MYO7B: variants seen among roughly 807,000 people sequenced by gnomAD.
The protein encoded by MYO7B is unconventional myosin-VIIb.
MYO7B carries 212 observed loss-of-function variants against 259.7 expected under a neutral mutation model. That is an observed-to-expected ratio of 0.82 (90% CI 0.73 to 0.91). The LOEUF (loss-of-function observed/expected upper bound fraction) is 0.91. MYO7B is among the 40% of genes least tolerant of loss of function. The probability of loss-of-function intolerance (pLI) is 0.00; values close to 1 mark genes in which losing one functional copy is unlikely to be tolerated. For synonymous variants in MYO7B, 1,197 were observed against 1,166.4 expected (o/e 1.03, Z -0.54); for missense variants, 2,732 against 2,813.5 (o/e 0.97, Z 0.66).
In MYO7B at chr2:127,609,679, C is replaced by G. The variant is rs1287681872; in HGVS notation, c.2988C>G (p.Tyr996Ter). The G allele has an allele frequency of 6.2e-7, 1 of 1,614,008 alleles. No homozygotes were observed. ...CACACATCCGGCGGCCCCTCCGATACCCGTTGCTTTACCACGAAGATGACA... is the reference window on the plus strand; with the variant it reads ...CACACATCCGGCGGCCCCTCCGATAGCCGTTGCTTTACCACGAAGATGACA... ...SHTHIRRPLR[Y>*]PLLYHEDDTD... Residue 996 changes from tyrosine (Y) to a stop codon, truncating the protein, a stop_gained, in exon 23 of 48, where the codon TAC becomes TAG. Coordinates refer to ENST00000409816, the MANE Select transcript of MYO7B (RefSeq NM_001393586.1). LOFTEE classifies it high-confidence loss of function. The surrounding 1 kb of genome is among the most constrained non-coding windows in gnomAD (Gnocchi z 6.9).
Position 127,582,408 on chromosome 2 carries a change from C to T in MYO7B, c.1305C>T (p.Leu435=), listed in dbSNP as rs748788569. The change falls in exon 12 of 48, where the codon CTC becomes CTT. Residue 435 remains leucine (L), a synonymous_variant. Coordinates refer to ENST00000409816, the MANE Select transcript of MYO7B (RefSeq NM_001393586.1). The part of the protein sequence containing the change: ...DPKNVRRAIG[L]LDIFGFENFE... ...AAAATGTGCGGAGGGCCATCGGCCT[C>T]CTGGACATATTTGGCTTTGAAAATT... 27 of 1,613,398 alleles carry T rather than the reference C, an allele frequency of 1.7e-5. No individual in the cohort carries two copies. Among genetic ancestry groups the T allele is most frequent in the East Asian group, 2.2e-5 (1 of 44,874 alleles).
chr2:127,561,619 C>T (rs745454639), intron 2 of MYO7B, among the ~76,000 whole-genome samples: 3 of 152,192 alleles, frequency 2.0e-5, no homozygotes, highest in Non-Finnish European at 4.4e-5. Flanking sequence ...GGACACTATG[C>T]GGGGTCCCTG....
rs112228105 is a variant in MYO7B, at chr2:127,559,533, G to A, written c.-23-167G>A. Among the ~76,000 whole-genome samples the A allele has an allele frequency of 6.6e-5, 10 of 152,304 alleles. No individual in the cohort carries two copies. Among genetic ancestry groups the A allele is most frequent in the African/African-American group, 2.4e-4 (10 of 41,570 alleles). On this transcript the variant is annotated intron_variant, in intron 1 of 47. Transcript: ENST00000409816. The surrounding 1 kb of genome is among the most constrained non-coding windows in gnomAD (Gnocchi z 4.1). Reference sequence around the variant, plus strand: ...GAAGCTGAGAACAGCTCTTGCACTTGGGCTAGGACTGTGACTCATTCATCC... The same window carrying A: ...GAAGCTGAGAACAGCTCTTGCACTTAGGCTAGGACTGTGACTCATTCATCC...
chr2:127,596,382 C>T (rs529525957), intron 18 of MYO7B, 80 bp from the exon 19 acceptor site: 26 of 1,163,274 alleles, frequency 2.2e-5, no homozygotes, highest in East Asian at 1.8e-4. Flanking sequence ...ATGCTACCTT[C>T]GGGAGACAGA....
At chr2:127,600,632 C>G (rs531735551) in intron 19 of MYO7B, among the ~76,000 whole-genome samples, 3 of 152,276 alleles carry the variant, frequency 2.0e-5, no homozygotes, top group African/African-American at 7.2e-5. Context: ...ATCGCTTGAA[C>G]CTGGGAGGTG....
chr2:127,628,421 T>C lies in MYO7B; in HGVS notation c.4510T>C (p.Tyr1504His). ...GCTGCTCTCCACGATGCATGAGGAG[T>C]ACGAGTTTGTGTCACCCAGCAGTGT... ...RLLLSTMHEE[Y>H]EFVSPSSVAI... The change falls in exon 34 of 48, where the codon TAC becomes CAC. Residue 1504 changes from tyrosine (Y) to histidine (H), a missense_variant. This residue lies in a region of MYO7B where 1,906 missense variants were observed against 2,026.4 expected (regional missense o/e 0.94). Coordinates refer to ENST00000409816, the MANE Select transcript of MYO7B (RefSeq NM_001393586.1). The surrounding 1 kb of genome is among the most constrained non-coding windows in gnomAD (Gnocchi z 4.8). 2 of 1,598,290 alleles carry C rather than the reference T, an allele frequency of 1.3e-6. No homozygotes were observed. Among genetic ancestry groups the C allele is most frequent in the Non-Finnish European group, 1.7e-6 (2 of 1,174,364 alleles).
At chr2:127,588,025 C>G (rs1326224213) in intron 14 of MYO7B, among the ~76,000 whole-genome samples, 1 of 152,194 alleles carries the variant, frequency 6.6e-6, no homozygotes, top group African/African-American at 2.4e-5. Flanking sequence ...TTTTAGGGGA[C>G]ACATTTTAGC....
chr2:127,564,365 C>A, intron 3 of MYO7B, 99 bp downstream of exon 3: 1 of 944,034 alleles, frequency 1.1e-6, no homozygotes, highest in South Asian at 1.8e-5. Flanking sequence ...ACACCAGGGG[C>A]TCCAAGGCCA....
intron 1 of MYO7B, among the ~76,000 whole-genome samples, chr2:127,537,590 C>A (rs1692834414): frequency 1.3e-5 from 2 of 151,966 alleles, no homozygotes; most frequent in Non-Finnish European, 2.9e-5. Flanking sequence ...AATCCCAGCA[C>A]TTTGGGAGGC....
intron 14 of MYO7B, among the ~76,000 whole-genome samples, chr2:127,587,668 A>T (rs537095717): frequency 1.3e-5 from 2 of 150,888 alleles, no homozygotes; most frequent in Non-Finnish European, 2.9e-5. Flanking sequence ...TCCGGGCTTC[A>T]AGCGATTCTC....
intron 1 of MYO7B, among the ~76,000 whole-genome samples, chr2:127,548,428 T>G (rs1304995903): frequency 1.3e-5 from 2 of 150,904 alleles, no homozygotes; most frequent in Admixed American, 6.6e-5. Context: ...TCTTTTTTTT[T>G]TTTTTTGAGA....
At chr2:127,608,658 C>T (rs898693037) in intron 21 of MYO7B, 50 bp from the exon 22 acceptor site, 1 of 1,568,388 alleles carries the variant, frequency 6.4e-7, no homozygotes, top group Middle Eastern at 2.0e-4. Flanking sequence ...GGGCTGGGCC[C>T]CCTGAGCCCT....
At chr2:127,544,069 C>T (rs1168827566) in intron 1 of MYO7B, among the ~76,000 whole-genome samples, 1 of 151,812 alleles carries the variant, frequency 6.6e-6, no homozygotes, top group African/African-American at 2.4e-5. Context: ...CCCCAACTGG[C>T]CTTTATTTTT....
intron 1 of MYO7B, among the ~76,000 whole-genome samples, chr2:127,542,145 A>G (rs1454950985): frequency 6.6e-6 from 1 of 152,242 alleles, no homozygotes; most frequent in African/African-American, 2.4e-5. Context: ...TGTCAGTCAC[A>G]TGCTATTCAT....
At position 127,611,926 on chromosome 2, in the gene MYO7B, G is replaced by T. The variant is rs1052999738; in HGVS notation, c.3193-324G>T. ...TCAGACCCAGTCCCACCTCCCAGGG[G>T]TTTACTGGGGAGAGGCACAAGCTTT... On this transcript the variant is annotated intron_variant, in intron 24 of 47. Coordinates refer to ENST00000409816, the MANE Select transcript of MYO7B (RefSeq NM_001393586.1). This position sits in a 1 kb window ranked among gnomAD's most constrained non-coding sequence, Gnocchi z 5.4. Among the ~76,000 whole-genome samples the T allele has an allele frequency of 6.6e-6, 1 of 152,158 alleles. No homozygotes were observed. The highest frequency in any genetic ancestry group is 2.4e-5 in the African/African-American group (1 of 41,422).
At chr2:127,606,563 G>A (rs148559978) in intron 20 of MYO7B, among the ~76,000 whole-genome samples, 183 of 152,240 alleles carry the variant, frequency 1.2e-3, no homozygotes, top group African/African-American at 4.3e-3. Flanking sequence ...AACTCTGTAC[G>A]TCAAGGAACT....
At position 127,635,760 on chromosome 2, in the gene MYO7B, G is replaced by C. The variant is rs767566570; in HGVS notation, c.5859G>C (p.Ser1953=). The change falls in exon 44 of 48, where the codon TCG becomes TCC. Residue 1953 remains serine, a synonymous_variant. Coordinates refer to ENST00000409816, the MANE Select transcript of MYO7B (RefSeq NM_001393586.1). Reference sequence around the variant, plus strand: ...ACCTGCGCGGATTCCACAAGTGTTCGCGGGAGGATGCCATCCACCTGGCGG... The same window carrying C: ...ACCTGCGCGGATTCCACAAGTGTTCCCGGGAGGATGCCATCCACCTGGCGG... ...PKYLRGFHKC[S]REDAIHLAGL... 3 of 1,602,936 alleles carry C rather than the reference G, an allele frequency of 1.9e-6. No individual in the cohort carries two copies. In the South Asian group the frequency reaches 3.4e-5, roughly 18 times the overall value.
At chr2:127,634,523 C>T in intron 41 of MYO7B, 73 bp from the exon 42 acceptor site, 1 of 1,367,506 alleles carries the variant, frequency 7.3e-7, no homozygotes, top group Non-Finnish European at 1.0e-6. Context: ...GCCACTGGAC[C>T]AGAACCCAGC....
intron 6 of MYO7B, among the ~76,000 whole-genome samples, chr2:127,572,160 A>G (rs1457027284): frequency 6.6e-6 from 1 of 152,240 alleles, no homozygotes; most frequent in East Asian, 1.9e-4. Flanking sequence ...GGCTTATGCC[A>G]GTAATCCCAG....
Sources: allele counts gnomAD v4.1 joint callset (sites outside exome capture counted in the v4.1 genomes callset), GRCh38; gene constraint gnomAD v4.1.1; regional missense constraint gnomAD v4.1.1; non-coding constraint Gnocchi (gnomAD v3.1); transcripts MANE v1.5; gene names NCBI Gene and HGNC (gene_info 2026-07-23, HGNC 2026-07-21).